CARS1: variants seen among roughly 807,000 people sequenced by gnomAD.
The protein encoded by CARS1 is cysteinyl-tRNA synthetase 1.
In CARS1, 48 loss-of-function variants were observed where a neutral mutation model predicts 106.2. The observed-to-expected ratio is 0.45, with a 90% CI of 0.36 to 0.57. The LOEUF (loss-of-function observed/expected upper bound fraction) is 0.57. CARS1 is among the 20% of genes least tolerant of loss of function. The probability of loss-of-function intolerance (pLI) is 0.00; values close to 1 mark genes in which losing one functional copy is unlikely to be tolerated. For synonymous variants in CARS1, 409 were observed against 403.4 expected, an observed-to-expected ratio of 1.01 and a Z score of -0.17; for missense variants, 968 against 1,057.2, an observed-to-expected ratio of 0.92 and a Z score of 1.17.
chr11:3,026,511 C>G (rs756268825), intron 10 of CARS1, among the ~76,000 whole-genome samples, 165 bp downstream of exon 10: 2 of 152,130 alleles, frequency 1.3e-5, no homozygotes, highest in African/African-American at 4.8e-5. Flanking sequence ...TAGAGCTGCA[C>G]AATGTTGAGT....
rs544555259 is a variant in CARS1 at position 3,045,788 on chromosome 11, C to T, written c.274+1965G>A. Among the ~76,000 whole-genome samples, 6 of 152,316 alleles carry T rather than the reference C, an allele frequency of 3.9e-5. No homozygotes were observed. The South Asian group carries it at 1.2e-3, about 32-fold the overall frequency. On this transcript the variant is annotated intron_variant, in intron 2 of 22. Transcript: ENST00000380525. The surrounding 1 kb of genome is among the most constrained non-coding windows in gnomAD (Gnocchi z 5.6). The stretch of plus-strand genomic sequence containing the variant: ...GAGTATGAGCCATGGAAAGAGAGGG[C>T]GTTCCCACTCAGTGGGGGAAGCAGC...
rs964834305 is a variant in CARS1 at position 3,028,142 on chromosome 11, C to CCT, written c.1031+852_1031+853dup. 5.6e-5 allele frequency: 17 copies of CCT among 306,018 alleles called. No homozygotes were observed. Among genetic ancestry groups the CCT allele is most frequent in the East Asian group, 9.4e-5 (1 of 10,626 alleles). 19.0% of individuals were successfully genotyped at this position (306,018 alleles called of 1,614,324 possible). On this transcript the variant is annotated intron_variant, in intron 9 of 22. Transcript: ENST00000380525. The surrounding 1 kb of genome is among the most constrained non-coding windows in gnomAD (Gnocchi z 4.4). ...TGGCGTAAGCTGCCTCTCTCTGTCTCCTCTCTCTCTCTGCCTTGGCTGCCA... is the reference window on the plus strand; with the variant it reads ...TGGCGTAAGCTGCCTCTCTCTGTCTCCTCTCTCTCTCTCTGCCTTGGCTGCCA...
rs925314839 is a variant in CARS1, at chr11:3,020,098, C to T, written c.1266+122G>A. The T allele has an allele frequency of 5.7e-6, 4 of 697,912 alleles. No homozygotes were observed. The highest frequency in any genetic ancestry group is 1.0e-5 in the Non-Finnish European group (4 of 388,074). 43.2% of individuals were successfully genotyped at this position (697,912 alleles called of 1,614,324 possible). On this transcript the variant is annotated intron_variant, in intron 11 of 22. Coordinates refer to ENST00000380525, the MANE Select transcript of CARS1 (RefSeq NM_001014437.3). The surrounding 1 kb of genome is among the most constrained non-coding windows in gnomAD (Gnocchi z 4.6). ...CCAGGCAGCCTGTGCTGCACCAGCA[C>T]CAGGCTCTGGCCCAGTGACAACATC... is the stretch of plus-strand genomic sequence containing the variant.
chr11:3,042,122 T>A, intron 3 of CARS1, 43 bp downstream of exon 3: 1 of 1,465,212 alleles, frequency 6.8e-7, no homozygotes, highest in Non-Finnish European at 9.6e-7. Context: ...GCCTCCTGCC[T>A]CCCCATTGTG....
At chr11:3,015,141 C>T (rs920276892) in intron 17 of CARS1, among the ~76,000 whole-genome samples, 1 of 152,198 alleles carries the variant, frequency 6.6e-6, no homozygotes, top group East Asian at 1.9e-4. Flanking sequence ...CAAACAGAAG[C>T]CAGCAACAGA....
At position 3,001,996 on chromosome 11, in the gene CARS1, C is replaced by T. The variant is rs553730980; in HGVS notation, c.2335G>A (p.Asp779Asn). The T allele has an allele frequency of 4.3e-6, 7 of 1,613,640 alleles. No individual in the cohort carries two copies. The highest frequency in any genetic ancestry group is 5.9e-6 in the Non-Finnish European group (7 of 1,179,658). Residue 779 changes from aspartate (D) to asparagine (N), a missense_variant, in exon 22 of 23, where the codon GAC becomes AAC. Coordinates refer to ENST00000380525, the MANE Select transcript of CARS1 (RefSeq NM_001014437.3). The part of the protein sequence containing the change: ...PPSEMFLSET[D>N]KYSKFDENGL... ...TTTTCATCAAACTTGGAGTATTTGT[C>T]GGTTTCTGACAAGAACATCTCACTG...
At chr11:3,054,891 ACCAAGTGGTATC>A (rs1382521588) in intron 1 of CARS1, 2 of 702,630 alleles carry the variant, frequency 2.8e-6, no homozygotes, top group Non-Finnish European at 2.6e-6. Context: ...TGAGCAGCCG[ACCAAGTGGTATC>A]CCAAGTCTGT....
chr11:3,016,766 C>T (rs963732768), intron 16 of CARS1, among the ~76,000 whole-genome samples: 1 of 152,088 alleles, frequency 6.6e-6, no homozygotes, highest in African/African-American at 2.4e-5. Context: ...GTGTGTGCCA[C>T]CACACCTGGC....
In CARS1 at chr11:3,003,771, T is replaced by C. The variant is rs1849610593; in HGVS notation, c.2218-1171A>G. 6.6e-6 allele frequency among the ~76,000 whole-genome samples: 1 copy of C among 152,058 alleles called. No individual in the cohort carries two copies. Among genetic ancestry groups the C allele is most frequent in the Non-Finnish European group, 1.5e-5 (1 of 68,002 alleles). Reference sequence around the variant, plus strand: ...ATTTCTGCTTTTTCCCTTTAAAAGTTAGTATGTGTTTATGTGCTGGTGGGA... The same window carrying C: ...ATTTCTGCTTTTTCCCTTTAAAAGTCAGTATGTGTTTATGTGCTGGTGGGA... On this transcript the variant is annotated intron_variant, in intron 20 of 22. Coordinates refer to ENST00000380525, the MANE Select transcript of CARS1 (RefSeq NM_001014437.3). The surrounding 1 kb of genome is among the most constrained non-coding windows in gnomAD (Gnocchi z 4.8).
Position 3,004,833 on chromosome 11 carries a change from C to T in CARS1, c.2217+533G>A, listed in dbSNP as rs1481569802. Reference sequence around the variant, plus strand: ...CTTAACATGTCAGCTTCGGGCCAGGCGTGGTGGCTCAAGCCTGTAATCCCA... The same window carrying T: ...CTTAACATGTCAGCTTCGGGCCAGGTGTGGTGGCTCAAGCCTGTAATCCCA... On this transcript the variant is annotated intron_variant, in intron 20 of 22. Coordinates refer to ENST00000380525, the MANE Select transcript of CARS1 (RefSeq NM_001014437.3). This position sits in a 1 kb window ranked among gnomAD's most constrained non-coding sequence, Gnocchi z 5.2. Among the ~76,000 whole-genome samples the T allele has an allele frequency of 1.3e-5, 2 of 152,104 alleles. No individual in the cohort carries two copies. Among genetic ancestry groups the T allele is most frequent in the East Asian group, 1.9e-4 (1 of 5,184 alleles).
At position 3,017,214 on chromosome 11, in the gene CARS1, G is replaced by C; in HGVS notation, c.1809C>G (p.Ala603=). 1 of 1,614,144 alleles carries C rather than the reference G, an allele frequency of 6.2e-7. No individual in the cohort carries two copies. Among genetic ancestry groups the C allele is most frequent in the South Asian group, 1.1e-5 (1 of 91,080 alleles). The change falls in exon 16 of 23, where the codon GCC becomes GCG. Residue 603 remains alanine (A), a synonymous_variant. Coordinates refer to ENST00000380525, the MANE Select transcript of CARS1 (RefSeq NM_001014437.3). The surrounding 1 kb of genome is among the most constrained non-coding windows in gnomAD (Gnocchi z 4.9). ...DTRTVMEEMR[A]LVSQCNLYMA... ...TATAGAGGTTGCACTGACTGACCAA[G>C]GCCCGCATCTCTTCCATGACGGTGC...
rs768095597 is a variant in CARS1, at chr11:3,012,213, T to A, written c.2050A>T (p.Ile684Phe). 2.5e-5 allele frequency: 41 copies of A among 1,614,088 alleles called. No individual in the cohort carries two copies. The Middle Eastern group carries it at 4.9e-4, about 19-fold the overall frequency. The change falls in exon 18 of 23, where the codon ATT becomes TTT. Residue 684 changes from isoleucine to phenylalanine, a missense_variant. Transcript: ENST00000380525. ...LSEFREGVRK[I>F]AREQKVPEIL... ...TCCTCACCTTTTTGCTCTCGGGCAATCTTCCGCACTCCTTCTCGGAATTCT... is the reference window on the plus strand; with the variant it reads ...TCCTCACCTTTTTGCTCTCGGGCAAACTTCCGCACTCCTTCTCGGAATTCT...
rs1483071416 is a variant in CARS1, at chr11:3,003,393, G to A, written c.2218-793C>T. The stretch of plus-strand genomic sequence containing the variant: ...TGGCAGGAAGGAGGAACAAGTTTGG[G>A]GAGTTGAAAATCACATTTACTTTGG... On this transcript the variant is annotated intron_variant, in intron 20 of 22. Coordinates refer to ENST00000380525, the MANE Select transcript of CARS1 (RefSeq NM_001014437.3). The surrounding 1 kb of genome is among the most constrained non-coding windows in gnomAD (Gnocchi z 4.8). Among the ~76,000 whole-genome samples, 5 of 152,188 alleles carry A rather than the reference G, an allele frequency of 3.3e-5. No individual in the cohort carries two copies. Among genetic ancestry groups the A allele is most frequent in the Non-Finnish European group, 7.3e-5 (5 of 68,028 alleles).
rs566805004 is a variant in CARS1, at chr11:3,017,801, G to T, written c.1727+56C>A. Reference sequence around the variant, plus strand: ...GGACACATGGTGGCCAAGATGCGAGGCTAGGCATAGAACATGGGCATGCTC... The same window carrying T: ...GGACACATGGTGGCCAAGATGCGAGTCTAGGCATAGAACATGGGCATGCTC... On this transcript the variant is annotated intron_variant, in intron 15 of 22. Coordinates refer to ENST00000380525, the MANE Select transcript of CARS1 (RefSeq NM_001014437.3). The surrounding 1 kb of genome is among the most constrained non-coding windows in gnomAD (Gnocchi z 4.9). The T allele has an allele frequency of 7.7e-6, 9 of 1,171,420 alleles. No homozygotes were observed. In the African/African-American group the frequency reaches 1.1e-4, roughly 14 times the overall value. The allele number at this position is 1,171,420 out of a possible 1,614,324, so 72.6% of individuals were successfully genotyped here.
chr11:3,055,908 G>A (rs551682851), intron 1 of CARS1, among the ~76,000 whole-genome samples: 2 of 152,302 alleles, frequency 1.3e-5, no homozygotes, highest in South Asian at 2.1e-4. Flanking sequence ...GCTGTGGGGC[G>A]GGAGGCAGAG....
rs562002670 is a variant in CARS1 at position 3,033,574 on chromosome 11, C to T, written c.802-4131G>A. Among the ~76,000 whole-genome samples the T allele has an allele frequency of 3.9e-5, 6 of 152,202 alleles. No individual in the cohort carries two copies. The East Asian group carries it at 1.2e-3, about 29-fold the overall frequency. On this transcript the variant is annotated intron_variant, in intron 7 of 22. Transcript: ENST00000380525. Reference sequence around the variant, plus strand: ...TACAAGTAAATGATGTCAAATTTTGCAGCAAAAACAGTCAGAGGAAAATGT... The same window carrying T: ...TACAAGTAAATGATGTCAAATTTTGTAGCAAAAACAGTCAGAGGAAAATGT...
chr11:3,045,287 C>T lies in CARS1; in HGVS notation c.274+2466G>A, dbSNP rs979334398. 1.4e-4 allele frequency among the ~76,000 whole-genome samples: 21 copies of T among 152,064 alleles called. No homozygotes were observed. Among genetic ancestry groups the T allele is most frequent in the Non-Finnish European group, 2.1e-4 (14 of 68,024 alleles). ...TTATCTCCAACCCCCCACCCCGAGA[C>T]GGAGTCTCGCTCTGTCACCTAGGCT... On this transcript the variant is annotated intron_variant, in intron 2 of 22. Transcript: ENST00000380525. The surrounding 1 kb of genome is among the most constrained non-coding windows in gnomAD (Gnocchi z 5.6).
rs1855042124 is a variant in CARS1 at position 3,046,041 on chromosome 11, A to C, written c.274+1712T>G. 6.6e-6 allele frequency among the ~76,000 whole-genome samples: 1 copy of C among 152,208 alleles called. No homozygotes were observed. Among genetic ancestry groups the C allele is most frequent in the Admixed American group, 6.5e-5 (1 of 15,282 alleles). On this transcript the variant is annotated intron_variant, in intron 2 of 22. Transcript: ENST00000380525. The surrounding 1 kb of genome is among the most constrained non-coding windows in gnomAD (Gnocchi z 5.8). ...AATGCCCATCATTCCTGGCACAAGC[A>C]GACCCTGGCAGCCTCTTGCGCAGCC...
At chr11:3,001,680 G>C (rs989736350) in intron 22 of CARS1, among the ~76,000 whole-genome samples, 2 of 152,222 alleles carry the variant, frequency 1.3e-5, no homozygotes, top group African/African-American at 4.8e-5. Flanking sequence ...CAGCCAGCTT[G>C]TGAGGGCCTG....
Sources: gnomAD v4.1 joint callset for allele counts (sites outside exome capture counted in the v4.1 genomes callset) on GRCh38, gnomAD v4.1.1 for gene constraint, Gnocchi (gnomAD v3.1) non-coding constraint, MANE v1.5 for transcripts, NCBI Gene and HGNC (gene_info 2026-07-23, HGNC 2026-07-21) for gene names.